GPR158: variants seen among roughly 807,000 people sequenced by gnomAD.
The protein encoded by GPR158 is metabotropic glycine receptor.
GPR158 carries 30 observed loss-of-function variants against 78.2 expected under a neutral mutation model. The observed-to-expected ratio is 0.38, with a 90% CI of 0.29 to 0.52. The LOEUF (loss-of-function observed/expected upper bound fraction) is 0.52. Ranked by LOEUF, GPR158 falls within the 20% of genes least tolerant of loss-of-function variation. The pLI is 0.83. For synonymous variants in GPR158, 581 were observed against 591.1 expected (o/e 0.98, Z 0.25); for missense variants, 1,463 against 1,523.5 (o/e 0.96, Z 0.66).
At chr10:25,508,882 A>C (rs1352300246) in intron 5 of GPR158, among the ~76,000 whole-genome samples, 1 of 152,110 alleles carries the variant, frequency 6.6e-6, no homozygotes, top group African/African-American at 2.4e-5. Flanking sequence ...CAGGGAGTCC[A>C]TTTAGTCTGT....
intron 5 of GPR158, among the ~76,000 whole-genome samples, chr10:25,549,198 C>G (rs534233796): frequency 6.6e-6 from 1 of 152,084 alleles, no homozygotes; most frequent in South Asian, 2.1e-4. Context: ...CTATTATTCT[C>G]TCTTCCATGA....
chr10:25,282,951 G>C (rs1009609216), intron 2 of GPR158, among the ~76,000 whole-genome samples: 3 of 151,992 alleles, frequency 2.0e-5, no homozygotes, highest in Non-Finnish European at 2.9e-5. Flanking sequence ...GATAATGAGA[G>C]GTATCAGTCT....
intron 5 of GPR158, among the ~76,000 whole-genome samples, chr10:25,474,455 A>G (rs893906990): frequency 6.6e-6 from 1 of 152,080 alleles, no homozygotes; most frequent in Non-Finnish European, 1.5e-5. Flanking sequence ...TAATTAGCAT[A>G]TAGTCATCTT....
At chr10:25,464,377 G>T (rs1254233089) in intron 4 of GPR158, among the ~76,000 whole-genome samples, 1 of 152,028 alleles carries the variant, frequency 6.6e-6, no homozygotes, top group Non-Finnish European at 1.5e-5. Context: ...TCTCCTCTTG[G>T]GTCATTTTGG....
At chr10:25,184,229 C>T (rs1852651955) in intron 1 of GPR158, among the ~76,000 whole-genome samples, 1 of 152,048 alleles carries the variant, frequency 6.6e-6, no homozygotes, top group Non-Finnish European at 1.5e-5. Context: ...GACAGGGTCC[C>T]ACTCTGTTTC....
Position 25,221,126 on chromosome 10 carries a change from GA to G in GPR158, c.979del (p.Thr327LeufsTer17). 6.3e-7 allele frequency: 1 copy of G among 1,593,988 alleles called. No individual in the cohort carries two copies. Among genetic ancestry groups the G allele is most frequent in the Non-Finnish European group, 8.6e-7 (1 of 1,162,664 alleles). Reference sequence around the variant, plus strand: ...TGCTCAAGTGATGGCTGGTTTTCAGGAACTCATAAATGCCACCTCAACAATT... The same window carrying G: ...TGCTCAAGTGATGGCTGGTTTTCAGGACTCATAAATGCCACCTCAACAATT... ...DQCSSDGWFS[G>X]THKCHLNNSE... On this transcript the variant is annotated frameshift_variant, in exon 2 of 11. Transcript: ENST00000376351. LOFTEE classifies it high-confidence loss of function.
chr10:25,365,017 CTA>C (rs894267737), intron 2 of GPR158, among the ~76,000 whole-genome samples: 4 of 151,688 alleles, frequency 2.6e-5, no homozygotes, highest in Admixed American at 1.3e-4. Flanking sequence ...CTATGTAAAA[CTA>C]TGTTTTCCTA....
chr10:25,289,677 C>A (rs1444149838), intron 2 of GPR158, among the ~76,000 whole-genome samples: 1 of 152,108 alleles, frequency 6.6e-6, no homozygotes, highest in Non-Finnish European at 1.5e-5. Context: ...TCCTCTGCCT[C>A]CCAAAGTGCT....
intron 4 of GPR158, among the ~76,000 whole-genome samples, chr10:25,433,085 C>T (rs1194981615): frequency 1.3e-5 from 2 of 152,136 alleles, no homozygotes; most frequent in Non-Finnish European, 2.9e-5. Context: ...TTTGAATAAA[C>T]CCAAAGCCTA....
intron 2 of GPR158, among the ~76,000 whole-genome samples, chr10:25,304,119 T>C (rs1021333305): frequency 5.9e-5 from 9 of 151,960 alleles, no homozygotes; most frequent in Admixed American, 2.6e-4. Context: ...TGGTTGTTTT[T>C]TCGTTTACTT....
At chr10:25,362,236 T>C (rs1855650895) in intron 2 of GPR158, among the ~76,000 whole-genome samples, 1 of 151,996 alleles carries the variant, frequency 6.6e-6, no homozygotes, top group South Asian at 2.1e-4. Context: ...TGTTGTGGTC[T>C]TGGCATTCTT....
chr10:25,435,938 G>A (rs1207702976), intron 4 of GPR158, among the ~76,000 whole-genome samples: 1 of 152,084 alleles, frequency 6.6e-6, no homozygotes, highest in African/African-American at 2.4e-5. Flanking sequence ...TTTGATGTGA[G>A]GGGAATGGGA....
chr10:25,495,209 A>G (rs912769303), intron 5 of GPR158, among the ~76,000 whole-genome samples: 2 of 148,226 alleles, frequency 1.3e-5, no homozygotes, highest in African/African-American at 2.5e-5. Context: ...ACCGAAGTTT[A>G]TTTATTGACT....
At chr10:25,346,586 C>G (rs557803715) in intron 2 of GPR158, among the ~76,000 whole-genome samples, 1 of 151,848 alleles carries the variant, frequency 6.6e-6, no homozygotes, top group Non-Finnish European at 1.5e-5. Flanking sequence ...GGGTCTTTTT[C>G]TAAGGTATTA....
At chr10:25,459,624 A>G (rs1835331929) in intron 4 of GPR158, among the ~76,000 whole-genome samples, 1 of 152,174 alleles carries the variant, frequency 6.6e-6, no homozygotes, top group Non-Finnish European at 1.5e-5. Context: ...AAGCCATTTT[A>G]ATTACTTCTA....
chr10:25,238,923 C>T (rs1413746503), intron 2 of GPR158, among the ~76,000 whole-genome samples: 1 of 152,150 alleles, frequency 6.6e-6, no homozygotes, highest in Non-Finnish European at 1.5e-5. Context: ...GTGATCCTTC[C>T]TCAACTTTGT....
At chr10:25,584,060 T>C (rs960949898) in intron 7 of GPR158, among the ~76,000 whole-genome samples, 9 of 152,248 alleles carry the variant, frequency 5.9e-5, no homozygotes, top group African/African-American at 1.9e-4. Context: ...TTTCAAAGGC[T>C]ATGGTAGTTA....
chr10:25,210,752 A>C (rs889485652), intron 1 of GPR158, among the ~76,000 whole-genome samples: 1 of 152,180 alleles, frequency 6.6e-6, no homozygotes, highest in African/African-American at 2.4e-5. Context: ...TGTATTCATG[A>C]CATTATATCC....
At chr10:25,421,668 C>T (rs1218624024) in intron 4 of GPR158, among the ~76,000 whole-genome samples, 7 of 152,040 alleles carry the variant, frequency 4.6e-5, no homozygotes, top group Non-Finnish European at 1.0e-4. Flanking sequence ...TTCTATTGAA[C>T]TAATAAATAT....
Sources: allele counts gnomAD v4.1 joint callset (sites outside exome capture counted in the v4.1 genomes callset), GRCh38; gene constraint gnomAD v4.1.1; transcripts MANE v1.5; gene names NCBI Gene and HGNC (gene_info 2026-07-23, HGNC 2026-07-21).